Variants in GET4 observed in about 807,000 individuals in gnomAD.
GET4 encodes guided entry of tail-anchored proteins factor 4, also known as Golgi to ER traffic protein 4 homolog.
In GET4, 20 loss-of-function variants were observed where a neutral mutation model predicts 40.0. The ratio of observed to expected loss-of-function variants is 0.50; its 90% CI spans 0.35 to 0.73. GET4 has a LOEUF of 0.73. GET4 is among the 30% of genes least tolerant of loss of function. The probability of loss-of-function intolerance (pLI) is 0.01; values close to 1 mark genes in which losing one functional copy is unlikely to be tolerated. For missense variants in GET4, 557 were observed against 454.0 expected (o/e 1.23, Z -2.06); for synonymous variants, 280 against 194.6 (o/e 1.44, Z -3.65).
chr7:885,772 A>G lies in GET4; in HGVS notation c.156-284A>G, dbSNP rs531510989. 78 of 411,368 alleles carry G rather than the reference A, an allele frequency of 1.9e-4. 2 individuals are homozygous for G. In the South Asian group the frequency reaches 2.1e-3, roughly 11 times the overall value. The allele number at this position is 411,368 out of a possible 1,614,324, so 25.5% of individuals were successfully genotyped here. A position where few individuals can be genotyped will look rare whatever the true frequency, so the allele number is the denominator to read the frequency against. ...CCCAGTGGCCTTTCTGGTCCCAGCTACTGAAACCGGTGAGCTGCTCCAGGG... is the reference window on the plus strand; with the variant it reads ...CCCAGTGGCCTTTCTGGTCCCAGCTGCTGAAACCGGTGAGCTGCTCCAGGG... On this transcript the variant is annotated intron_variant, in intron 1 of 8. Coordinates refer to ENST00000265857, the MANE Select transcript of GET4 (RefSeq NM_015949.3).
intron 6 of GET4, among the ~76,000 whole-genome samples, chr7:892,950 CTGGGTGTGTGCAGGTGT>C: frequency 6.8e-6 from 1 of 146,200 alleles, no homozygotes; most frequent in East Asian, 2.0e-4. Context: ...GCATGGGTTG[CTGGGTGTGTGCAGGTGT>C]TGGGTGTTTG....
chr7:893,995 A>AC (rs1322449423), intron 8 of GET4, 24 bp downstream of exon 8: 1 of 1,531,648 alleles, frequency 6.5e-7, no homozygotes, highest in Non-Finnish European at 8.9e-7. Context: ...CCCTTGTCAC[A>AC]CCCACTCCAG....
At chr7:877,498 A>AC (rs1235552262) in intron 1 of GET4, among the ~76,000 whole-genome samples, 6 of 29,146 alleles carry the variant, frequency 2.1e-4, no homozygotes, top group Non-Finnish European at 3.1e-4. Flanking sequence ...CCCTCTGCCC[A>AC]CCCCCCGTCT....
At chr7:881,830 C>T (rs763094908) in intron 1 of GET4, 1 of 152,180 alleles carries the variant, frequency 6.6e-6, no homozygotes, top group Non-Finnish European at 1.5e-5. Context: ...GAGCCTCTCC[C>T]TCTTCCCTCA....
chr7:890,410 TAGGAC>T (rs72198888), intron 4 of GET4, among the ~76,000 whole-genome samples: 16,519 of 91,478 alleles, frequency 0.18, 3,063 homozygotes, highest in South Asian at 0.23. Flanking sequence ...GAGCGGGTGT[TAGGAC>T]GGGCCTGGGA....
intron 7 of GET4, 26 bp downstream of exon 7, chr7:893,841 G>C (rs1844402103): frequency 6.2e-7 from 1 of 1,607,878 alleles, no homozygotes; most frequent in Admixed American, 1.7e-5. Context: ...TGGGGAGGGA[G>C]GAGGGGACCC....
At chr7:877,196 G>T (rs1279493737) in intron 1 of GET4, among the ~76,000 whole-genome samples, 3 of 65,704 alleles carry the variant, frequency 4.6e-5, no homozygotes, top group Admixed American at 1.7e-4. Flanking sequence ...GCCCCACCTT[G>T]GTCTCGCTCT....
chr7:892,492 G>C, intron 6 of GET4, 74 bp downstream of exon 6: 2 of 1,467,438 alleles, frequency 1.4e-6, no homozygotes, highest in Non-Finnish European at 1.9e-6. Flanking sequence ...GTGGATAGCT[G>C]TGTGGGTGTG....
At position 895,877 on chromosome 7, in the gene GET4, G is replaced by C. The variant is rs1232863058; in HGVS notation, c.*455G>C. On this transcript the variant is annotated 3_prime_UTR_variant, in exon 9 of 9. Coordinates refer to ENST00000265857, the MANE Select transcript of GET4 (RefSeq NM_015949.3). Reference sequence around the variant, plus strand: ...GCCAGGGCCCATGTGGTCTGCAAATGGGAGCGGCTGTTTTTGAACACGGGG... The same window carrying C: ...GCCAGGGCCCATGTGGTCTGCAAATCGGAGCGGCTGTTTTTGAACACGGGG... 6.5e-6 allele frequency: 1 copy of C among 152,980 alleles called. No individual in the cohort carries two copies. Among genetic ancestry groups the C allele is most frequent in the Non-Finnish European group, 1.5e-5 (1 of 68,540 alleles). The allele number at this position is 152,980 out of a possible 1,614,324, so 9.5% of individuals were successfully genotyped here.
chr7:887,642 C>A, intron 4 of GET4, 123 bp downstream of exon 4: 1 of 716,786 alleles, frequency 1.4e-6, no homozygotes, highest in Admixed American at 3.9e-5. Context: ...TGTGGTCACG[C>A]GGGCCGGTCC....
At chr7:877,678 A>G (rs1309427796) in intron 1 of GET4, among the ~76,000 whole-genome samples, 1 of 24,542 alleles carries the variant, frequency 4.1e-5, no homozygotes, top group Non-Finnish European at 7.8e-5. Flanking sequence ...TCCCCACCCC[A>G]TATCTCCCTG....
chr7:887,149 C>T, intron 3 of GET4: 1 of 696,728 alleles, frequency 1.4e-6, no homozygotes, highest in Non-Finnish European at 2.7e-6. Context: ...CCCGCCTCGG[C>T]CAGGGCGTCC....
At chr7:888,608 A>G (rs1585496576) in intron 4 of GET4, among the ~76,000 whole-genome samples, 1 of 152,226 alleles carries the variant, frequency 6.6e-6, no homozygotes, top group African/African-American at 2.4e-5. Context: ...GAGATGAGCC[A>G]GTGCCTATCT....
intron 5 of GET4, among the ~76,000 whole-genome samples, chr7:891,838 T>C (rs1240055515): frequency 1.3e-5 from 2 of 151,942 alleles, no homozygotes; most frequent in Non-Finnish European, 2.9e-5. Flanking sequence ...ATGTTTTCTC[T>C]GGGCTGACAG....
intron 4 of GET4, among the ~76,000 whole-genome samples, chr7:888,751 C>T (rs1054609075): frequency 2.0e-5 from 3 of 152,244 alleles, no homozygotes; most frequent in African/African-American, 7.2e-5. Context: ...CCGTACTCCA[C>T]CTGTCCCCCA....
In GET4 at chr7:891,623, C is replaced by A. The variant is rs540281543; in HGVS notation, c.605+557C>A. Among the ~76,000 whole-genome samples the A allele has an allele frequency of 2.6e-4, 40 of 152,328 alleles. No homozygotes were observed. The Middle Eastern group carries it at 0.014, about 52-fold the overall frequency. ...GCCTTCGCTTCCTTTCTCACGAAAGCCTTACTTGTGCCCGTCAGTTTCTTC... is the reference window on the plus strand; with the variant it reads ...GCCTTCGCTTCCTTTCTCACGAAAGACTTACTTGTGCCCGTCAGTTTCTTC... On this transcript the variant is annotated intron_variant, in intron 5 of 8. Coordinates refer to ENST00000265857, the MANE Select transcript of GET4 (RefSeq NM_015949.3).
Position 893,830 on chromosome 7 carries a change from C to T in GET4, c.822+15C>T, listed in dbSNP as rs1583102425. 1.2e-6 allele frequency: 2 copies of T among 1,608,274 alleles called. No homozygotes were observed. The highest frequency in any genetic ancestry group is 1.7e-6 in the Non-Finnish European group (2 of 1,175,266). ...TGTACAACGAGGTGAGAGCTTGGGG[C>T]TGGGGAGGGAGGAGGGGACCCCACG... On this transcript the variant is annotated intron_variant, in intron 7 of 8. Coordinates refer to ENST00000265857, the MANE Select transcript of GET4 (RefSeq NM_015949.3).
chr7:885,351 C>G (rs1844166062), intron 1 of GET4: 1 of 152,364 alleles, frequency 6.6e-6, no homozygotes. Flanking sequence ...CTGCTGCTTA[C>G]AGCAGTGCGG....
chr7:882,416 G>A (rs1364871330), intron 1 of GET4: 2 of 152,346 alleles, frequency 1.3e-5, no homozygotes, highest in African/African-American at 4.8e-5. Context: ...GCAGAAGTCG[G>A]GCAGCAGTTC....
Sources: gnomAD v4.1 joint callset for allele counts (sites outside exome capture counted in the v4.1 genomes callset) on GRCh38, gnomAD v4.1.1 for gene constraint, MANE v1.5 for transcripts, NCBI Gene and HGNC (gene_info 2026-07-23, HGNC 2026-07-21) for gene names.